Variants in AFG2A observed in about 807,000 individuals in gnomAD.
The protein encoded by AFG2A is AAA ATPase AFG2A, also known as ATPase family gene 2 protein homolog A.
chr4:123,099,366 A>G, the AFG2A span, among the ~76,000 whole-genome samples: 3 of 151,766 alleles, frequency 2.0e-5, no homozygotes, highest in African/African-American at 7.2e-5. Context: ...ATGTAATCCC[A>G]TTAGTCTATT....
the AFG2A span, chr4:122,934,827 T>C: frequency 3.2e-5 from 47 of 1,458,582 alleles, no homozygotes; most frequent in Non-Finnish European, 4.1e-5. Context: ...TCATCCTCTT[T>C]TCCTGTTTTT....
chr4:123,116,694 AATAAGAG>A, the AFG2A span, among the ~76,000 whole-genome samples: 1 of 152,358 alleles, frequency 6.6e-6, no homozygotes, highest in South Asian at 2.1e-4. Context: ...TTGAATTACT[AATAAGAG>A]ATAAAAGAGG....
At chr4:123,041,277 A>ATTTTTTTT in the AFG2A span, among the ~76,000 whole-genome samples, 7 of 118,174 alleles carry the variant, frequency 5.9e-5, no homozygotes, top group East Asian at 2.5e-4. Flanking sequence ...CGCCCAGCTA[A>ATTTTTTTT]TTTTTTTTTT....
At chr4:122,959,588 C>T in the AFG2A span, among the ~76,000 whole-genome samples, 3 of 152,170 alleles carry the variant, frequency 2.0e-5, no homozygotes, top group East Asian at 1.9e-4. Flanking sequence ...AAGTTGTGCA[C>T]GTATGTCTAG....
chr4:123,186,046 C>T, the AFG2A span, among the ~76,000 whole-genome samples: 1 of 152,042 alleles, frequency 6.6e-6, no homozygotes, highest in Non-Finnish European at 1.5e-5. Context: ...TATTTGTTTT[C>T]TTTGAAGCTA....
the AFG2A span, among the ~76,000 whole-genome samples, chr4:123,145,190 T>G: frequency 2.6e-5 from 4 of 152,086 alleles, no homozygotes; most frequent in South Asian, 8.3e-4. Flanking sequence ...ATTACTCATT[T>G]TTCAATTTGG....
At chr4:122,976,552 C>G in the AFG2A span, among the ~76,000 whole-genome samples, 3 of 152,144 alleles carry the variant, frequency 2.0e-5, no homozygotes, top group Non-Finnish European at 4.4e-5. Context: ...TTATGCTATT[C>G]AATTGATGGG....
the AFG2A span, among the ~76,000 whole-genome samples, chr4:123,248,596 A>G: frequency 6.6e-6 from 1 of 152,214 alleles, no homozygotes; most frequent in South Asian, 2.1e-4. Context: ...GTTTCTGTGC[A>G]GACAAGCATG....
the AFG2A span, among the ~76,000 whole-genome samples, chr4:123,007,604 GTGTGTATATATA>G: frequency 8.0e-5 from 1 of 12,500 alleles, no homozygotes; most frequent in African/African-American, 4.1e-4. Context: ...GTGTGTGTGT[GTGTGTATATATA>G]TATATATATA....
chr4:123,158,646 A>C, the AFG2A span, among the ~76,000 whole-genome samples: 7 of 152,274 alleles, frequency 4.6e-5, no homozygotes, highest in East Asian at 3.9e-4. Flanking sequence ...AAACATACTT[A>C]TTATTGCATC....
the AFG2A span, among the ~76,000 whole-genome samples, chr4:123,069,866 C>T: frequency 6.6e-6 from 1 of 152,144 alleles, no homozygotes; most frequent in South Asian, 2.1e-4. Context: ...TTAACAATCT[C>T]CTAGTAATAC....
At chr4:123,049,438 C>A in the AFG2A span, among the ~76,000 whole-genome samples, 5 of 151,848 alleles carry the variant, frequency 3.3e-5, no homozygotes, top group Non-Finnish European at 7.4e-5. Context: ...TATGTTAATT[C>A]TTTAAATGTT....
At chr4:123,007,666 C>CACACACACACACATAT in the AFG2A span, among the ~76,000 whole-genome samples, 4 of 126,236 alleles carry the variant, frequency 3.2e-5, no homozygotes, top group African/African-American at 1.2e-4. Context: ...CACACACACA[C>CACACACACACACATAT]ATATATGGAC....
At chr4:123,168,140 A>C in the AFG2A span, among the ~76,000 whole-genome samples, 9 of 152,214 alleles carry the variant, frequency 5.9e-5, no homozygotes, top group African/African-American at 2.2e-4. Context: ...AGAGTGAGCC[A>C]GGATAATGCC....
chr4:123,271,168 C>A, the AFG2A span, among the ~76,000 whole-genome samples: 1 of 152,238 alleles, frequency 6.6e-6, no homozygotes, highest in Non-Finnish European at 1.5e-5. Flanking sequence ...AAGTTCAAGG[C>A]CAAAGAATTA....
chr4:123,270,817 A>C, the AFG2A span, among the ~76,000 whole-genome samples: 1 of 152,216 alleles, frequency 6.6e-6, no homozygotes, highest in Non-Finnish European at 1.5e-5. Context: ...TCATAGCTGG[A>C]AATGTTATTA....
chr4:123,221,528 A>G, the AFG2A span, among the ~76,000 whole-genome samples: 2 of 152,188 alleles, frequency 1.3e-5, no homozygotes, highest in Admixed American at 6.5e-5. Context: ...TTTTTAAACA[A>G]TTGTTAACAT....
At chr4:123,077,935 G>A in the AFG2A span, among the ~76,000 whole-genome samples, 7 of 152,148 alleles carry the variant, frequency 4.6e-5, no homozygotes, top group Non-Finnish European at 1.0e-4. Flanking sequence ...CTGAAGAAAT[G>A]TGAAAGACCC....
At chr4:122,996,827 A>T in the AFG2A span, among the ~76,000 whole-genome samples, 1 of 152,154 alleles carries the variant, frequency 6.6e-6, no homozygotes, top group East Asian at 1.9e-4. Context: ...GGCTGCTGGT[A>T]TAAGTCCCAG....
Sources: gnomAD v4.1 joint callset for allele counts (sites outside exome capture counted in the v4.1 genomes callset) on GRCh38, gnomAD v4.1.1 for gene constraint, MANE v1.5 for transcripts, NCBI Gene and HGNC (gene_info 2026-07-23, HGNC 2026-07-21) for gene names.